TXNL1: variants seen among roughly 807,000 people sequenced by gnomAD.
TXNL1 encodes thioredoxin-like protein 1.
Under a neutral mutation model 35.5 loss-of-function variants are expected in TXNL1, and 14 were observed. The observed-to-expected ratio is 0.39, with a 90% CI of 0.26 to 0.62. TXNL1 has a LOEUF of 0.62. Ranked by LOEUF, TXNL1 falls within the 20% of genes least tolerant of loss-of-function variation. The pLI is 0.47. For synonymous variants in TXNL1, 110 were observed against 115.5 expected (o/e 0.95, Z 0.31); for missense variants, 263 against 349.7 (o/e 0.75, Z 1.98).
At chr18:56,634,426 G>C (rs2024424613) in intron 1 of TXNL1, among the ~76,000 whole-genome samples, 1 of 152,174 alleles carries the variant, frequency 6.6e-6, no homozygotes, top group Non-Finnish European at 1.5e-5. Flanking sequence ...ATAGCTGTTA[G>C]GGTTATTCTG....
intron 3 of TXNL1, among the ~76,000 whole-genome samples, chr18:56,619,667 C>A (rs1204851844): frequency 6.6e-6 from 1 of 151,958 alleles, no homozygotes; most frequent in Non-Finnish European, 1.5e-5. Flanking sequence ...GGTGTCAGCA[C>A]ATGCCCATCT....
chr18:56,614,719 CCATT>C (rs1255854547), intron 5 of TXNL1, 123 bp from the exon 6 acceptor site: 1 of 768,518 alleles, frequency 1.3e-6, no homozygotes, highest in African/African-American at 1.8e-5. Flanking sequence ...TCAAATAACT[CCATT>C]ATTAGAACTT....
intron 1 of TXNL1, among the ~76,000 whole-genome samples, chr18:56,631,479 A>G (rs139143518): frequency 0.015 from 2,256 of 152,334 alleles, 36 homozygotes; most frequent in Non-Finnish European, 0.016. Context: ...TGAAGAAAAA[A>G]AAAAAGTTAC....
At chr18:56,617,829 G>T (rs1230454257) in intron 4 of TXNL1, among the ~76,000 whole-genome samples, 175 bp downstream of exon 4, 1 of 151,544 alleles carries the variant, frequency 6.6e-6, no homozygotes, top group Non-Finnish European at 1.5e-5. Flanking sequence ...CAAGAACAAA[G>T]AAGGTGGGTA....
At chr18:56,624,246 C>G (rs375268710) in intron 3 of TXNL1, 42 bp downstream of exon 3, 2 of 1,552,402 alleles carry the variant, frequency 1.3e-6, no homozygotes, top group African/African-American at 2.7e-5. Flanking sequence ...ATGACATGTA[C>G]AAGATATTAT....
intron 7 of TXNL1, among the ~76,000 whole-genome samples, chr18:56,606,046 T>C (rs2023886795): frequency 6.6e-6 from 1 of 152,248 alleles, no homozygotes; most frequent in Non-Finnish European, 1.5e-5. Context: ...TTTTCCTCCC[T>C]GTGCCTATAA....
At chr18:56,616,198 T>G (rs1442954146) in intron 5 of TXNL1, 47 bp downstream of exon 5, 2 of 1,533,872 alleles carry the variant, frequency 1.3e-6, no homozygotes, top group African/African-American at 1.4e-5. Flanking sequence ...ATGCTAACAG[T>G]TCTACAAAGC....
At chr18:56,616,979 T>C (rs2024098449) in intron 4 of TXNL1, among the ~76,000 whole-genome samples, 2 of 152,198 alleles carry the variant, frequency 1.3e-5, no homozygotes, top group South Asian at 4.1e-4. Flanking sequence ...TACCTATGCA[T>C]CTACCCTGGG....
chr18:56,638,106 G>A (rs1281334609), intron 1 of TXNL1, among the ~76,000 whole-genome samples: 1 of 152,162 alleles, frequency 6.6e-6, no homozygotes, highest in Non-Finnish European at 1.5e-5. Context: ...GAGCAGGTGA[G>A]AAATCTCCTG....
In TXNL1 at chr18:56,626,751, C is replaced by T. The variant is rs371795236; in HGVS notation, c.99-294G>A. Among the ~76,000 whole-genome samples, 3 of 148,646 alleles carry T rather than the reference C, an allele frequency of 2.0e-5. No homozygotes were observed. In the South Asian group the frequency reaches 6.5e-4, roughly 32 times the overall value. ...ACCTTAGGTGATCCACCTGCCTTGG[C>T]CCCTCCCAAAGTGCTGGGATTACAG... On this transcript the variant is annotated intron_variant, in intron 1 of 7. Coordinates refer to ENST00000217515, the MANE Select transcript of TXNL1 (RefSeq NM_004786.3).
chr18:56,638,369 G>A lies in TXNL1; in HGVS notation c.72C>T (p.Leu24=), dbSNP rs1172694250. 6.2e-7 allele frequency: 1 copy of A among 1,613,532 alleles called. No homozygotes were observed. Among genetic ancestry groups the A allele is most frequent in the Non-Finnish European group, 8.5e-7 (1 of 1,179,694 alleles). ...CTCTCATGGTGAACTTGACCACGGC[G>A]AGTCTGGAGCCCGCGCCGCTCAGCT... ...QPELSGAGSR[L]AVVKFTMRGC... is the part of the protein sequence containing the mutation. The change falls in exon 1 of 8, where the codon CTC becomes CTT. Residue 24 remains leucine, a synonymous_variant. Coordinates refer to ENST00000217515, the MANE Select transcript of TXNL1 (RefSeq NM_004786.3).
chr18:56,607,646 A>G (rs749943289), intron 7 of TXNL1, among the ~76,000 whole-genome samples: 5 of 152,150 alleles, frequency 3.3e-5, no homozygotes, highest in African/African-American at 7.2e-5. Flanking sequence ...CAGTGAGGTC[A>G]GGAGTTTGAG....
At chr18:56,613,549 G>A (rs575565920) in intron 6 of TXNL1, among the ~76,000 whole-genome samples, 3 of 152,272 alleles carry the variant, frequency 2.0e-5, no homozygotes, top group Admixed American at 2.0e-4. Context: ...TGTAGTGGCT[G>A]AAGCCTATAA....
chr18:56,602,920 T>C lies in TXNL1; in HGVS notation c.*107A>G, dbSNP rs1266290575. ...CCATCTGAACAAAAGCAATGATTTA[T>C]TGGTAATGGCAATGAATGAAACATT... is the stretch of plus-strand genomic sequence containing the variant. On this transcript the variant is annotated 3_prime_UTR_variant, in exon 8 of 8. Transcript: ENST00000217515. 4 of 1,154,136 alleles carry C rather than the reference T, an allele frequency of 3.5e-6. No homozygotes were observed. The highest frequency in any genetic ancestry group is 2.4e-5 in the East Asian group (1 of 42,316). 71.5% of individuals were successfully genotyped at this position (1,154,136 alleles called of 1,614,324 possible). A position where few individuals can be genotyped will look rare whatever the true frequency, so the allele number is the denominator to read the frequency against.
intron 1 of TXNL1, among the ~76,000 whole-genome samples, chr18:56,626,855 A>G (rs941774468): frequency 3.2e-5 from 4 of 123,416 alleles, no homozygotes; most frequent in African/African-American, 1.2e-4. Flanking sequence ...CCCAGGCCAG[A>G]GTACAGTGGC....
intron 5 of TXNL1, among the ~76,000 whole-genome samples, chr18:56,614,800 T>C (rs1371146549): frequency 6.6e-6 from 1 of 152,166 alleles, no homozygotes; most frequent in Non-Finnish European, 1.5e-5. Flanking sequence ...TGGTTCCTTC[T>C]TGGCCGAGCT....
At chr18:56,629,579 T>C (rs1401069231) in intron 1 of TXNL1, among the ~76,000 whole-genome samples, 1 of 152,148 alleles carries the variant, frequency 6.6e-6, no homozygotes, top group Non-Finnish European at 1.5e-5. Flanking sequence ...AACCTATGTA[T>C]ATATATAAAT....
At position 56,601,428 on chromosome 18, in the gene TXNL1, A is replaced by G. The variant is rs2023809086; in HGVS notation, c.*1599T>C. The G allele has an allele frequency of 6.6e-6, 1 of 152,224 alleles. No homozygotes were observed. Among genetic ancestry groups the G allele is most frequent in the South Asian group, 2.1e-4 (1 of 4,836 alleles). 9.4% of individuals were successfully genotyped at this position (152,224 alleles called of 1,614,324 possible). The stretch of plus-strand genomic sequence containing the variant: ...AGGTCAGCAATACTTAGGATGAGGC[A>G]CTTTAACAATTACTCAGAAAGGTTA... On this transcript the variant is annotated 3_prime_UTR_variant, in exon 8 of 8. Transcript: ENST00000217515.
At chr18:56,626,873 T>C (rs919007179) in intron 1 of TXNL1, among the ~76,000 whole-genome samples, 1 of 140,246 alleles carries the variant, frequency 7.1e-6, no homozygotes, top group Admixed American at 7.9e-5. Flanking sequence ...GGCATGATCA[T>C]GGCTCACTGC....
Sources: allele counts gnomAD v4.1 joint callset (sites outside exome capture counted in the v4.1 genomes callset), GRCh38; gene constraint gnomAD v4.1.1; transcripts MANE v1.5; gene names NCBI Gene and HGNC (gene_info 2026-07-23, HGNC 2026-07-21).